Variants in RIPK1 observed in about 807,000 individuals in gnomAD.
RIPK1 encodes receptor-interacting serine/threonine-protein kinase 1.
RIPK1 carries 27 observed loss-of-function variants against 62.4 expected under a neutral mutation model. The ratio of observed to expected loss-of-function variants is 0.43; its 90% CI spans 0.32 to 0.60. The LOEUF (loss-of-function observed/expected upper bound fraction) is 0.60, where lower values mean the gene tolerates loss of function less well. RIPK1 is among the 20% of genes least tolerant of loss of function. The pLI, the probability that RIPK1 is intolerant of heterozygous loss-of-function variation, is 0.07. For missense variants in RIPK1, 735 were observed against 831.0 expected, an observed-to-expected ratio of 0.88 and a Z score of 1.42; for synonymous variants, 287 against 303.2, an observed-to-expected ratio of 0.95 and a Z score of 0.55.
upstream of RIPK1, among the ~76,000 whole-genome samples, chr6:3,064,885 G>A (rs1244447105): frequency 6.6e-6 from 1 of 152,082 alleles, no homozygotes. Flanking sequence ...CCGTTTTAAC[G>A]AGGTGGCTTT....
chr6:3,067,290 T>C (rs959038473), upstream of RIPK1, among the ~76,000 whole-genome samples: 3 of 152,154 alleles, frequency 2.0e-5, no homozygotes, highest in Admixed American at 1.3e-4. Context: ...CTTCATCTTA[T>C]GGTAAGAAGA....
At chr6:3,086,434 TCA>T (rs1352525139) in intron 6 of RIPK1, among the ~76,000 whole-genome samples, 2 of 152,228 alleles carry the variant, frequency 1.3e-5, no homozygotes, top group Non-Finnish European at 2.9e-5. Context: ...TCTTGTATCC[TCA>T]CCAGCATGGG....
chr6:3,107,562 CAAAAAAAAA>C lies in RIPK1; in HGVS notation c.1576+1528_1576+1536del, dbSNP rs60843872. Among the ~76,000 whole-genome samples, 11 of 46,314 alleles carry C rather than the reference CAAAAAAAAA, an allele frequency of 2.4e-4. No individual in the cohort carries two copies. The East Asian group carries it at 4.6e-3, about 19-fold the overall frequency. 30.4% of individuals were successfully genotyped at this position (46,314 alleles called of 152,430 possible). ...CCTGGGTGACAGAGCGAGACTGTCG[CAAAAAAAAA>C]AAAAAAAAAAAAAAAATTCCAAAAC... is the stretch of plus-strand genomic sequence containing the variant. On this transcript the variant is annotated intron_variant, in intron 9 of 10. Transcript: ENST00000259808.
In RIPK1 at chr6:3,113,257, C is replaced by T. The variant is rs116040763; in HGVS notation, c.1934C>T (p.Thr645Met). The T allele has an allele frequency of 1.2e-4, 189 of 1,614,098 alleles. No individual in the cohort carries two copies. Among genetic ancestry groups the T allele is most frequent in the Non-Finnish European group, 1.5e-4 (174 of 1,179,998 alleles). ...WVMREGIKGATVGKLAQALHQ... is the reference protein window; with the variant it reads ...WVMREGIKGAMVGKLAQALHQ... ...ATGAGGGAAGGCATAAAGGGAGCCA[C>T]GGTGGGGAAGCTGGCCCAGGCGCTC... The change falls in exon 11 of 11, where the codon ACG becomes ATG. Residue 645 changes from threonine (T) to methionine (M), a missense_variant. Transcript: ENST00000259808. This position sits in a 1 kb window ranked among gnomAD's most constrained non-coding sequence, Gnocchi z 5.0.
chr6:3,106,315 G>A (rs1331183024), intron 9 of RIPK1, among the ~76,000 whole-genome samples: 2 of 152,150 alleles, frequency 1.3e-5, no homozygotes, highest in Non-Finnish European at 2.9e-5. Flanking sequence ...ACTCTAACCT[G>A]GAGTGCATAG....
chr6:3,069,580 T>G (rs1168858056), intron 1 of RIPK1, among the ~76,000 whole-genome samples: 1 of 152,238 alleles, frequency 6.6e-6, no homozygotes. Context: ...GTTCCAATGA[T>G]TAATTCTTCC....
At chr6:3,074,311 C>T (rs901694385) in intron 1 of RIPK1, among the ~76,000 whole-genome samples, 2 of 152,158 alleles carry the variant, frequency 1.3e-5, no homozygotes, top group Non-Finnish European at 2.9e-5. Flanking sequence ...TTGTATAAGG[C>T]GACTTTCACT....
intron 1 of RIPK1, among the ~76,000 whole-genome samples, chr6:3,070,381 G>A (rs1320444727): frequency 6.6e-6 from 1 of 152,144 alleles, no homozygotes. Context: ...AAAAAAGGTT[G>A]ACTGTATTAA....
chr6:3,088,480 T>A (rs1688257259), intron 6 of RIPK1, among the ~76,000 whole-genome samples: 1 of 152,238 alleles, frequency 6.6e-6, no homozygotes, highest in South Asian at 2.1e-4. Flanking sequence ...ATTCTTGTGT[T>A]CTCCTGACAC....
At chr6:3,112,024 T>C (rs970664987) in intron 10 of RIPK1, among the ~76,000 whole-genome samples, 8 of 152,170 alleles carry the variant, frequency 5.3e-5, no homozygotes, top group African/African-American at 1.9e-4. Flanking sequence ...TTTTTTGTTG[T>C]GGTTGTTGTA....
intron 10 of RIPK1, among the ~76,000 whole-genome samples, chr6:3,111,910 G>A (rs143204451): frequency 6.6e-6 from 1 of 152,346 alleles, no homozygotes; most frequent in Non-Finnish European, 1.5e-5. Flanking sequence ...TAGAGAGAGA[G>A]CCACATCACA....
Position 3,113,622 on chromosome 6 carries a change from G to T in RIPK1, c.*283G>T. On this transcript the variant is annotated 3_prime_UTR_variant, in exon 11 of 11. Coordinates refer to ENST00000259808, the MANE Select transcript of RIPK1 (RefSeq NM_001354930.2). The surrounding 1 kb of genome is among the most constrained non-coding windows in gnomAD (Gnocchi z 5.0). Reference sequence around the variant, plus strand: ...ATCAGGCACTGAGCCACTGCGCCCAGCCAACAATCCGCTCTGAGGAAAGCG... The same window carrying T: ...ATCAGGCACTGAGCCACTGCGCCCATCCAACAATCCGCTCTGAGGAAAGCG... The T allele has an allele frequency of 2.7e-6, 1 of 369,034 alleles. No homozygotes were observed. The allele number at this position is 369,034 out of a possible 1,614,324, so 22.9% of individuals were successfully genotyped here.
chr6:3,107,653 A>G (rs1760930399), intron 9 of RIPK1, among the ~76,000 whole-genome samples: 1 of 152,114 alleles, frequency 6.6e-6, no homozygotes, highest in South Asian at 2.1e-4. Context: ...CTGAACAAAC[A>G]GCCTGAGTCC....
At chr6:3,065,264 C>CAAAAAAAAAAAA (rs57722248), upstream of RIPK1, among the ~76,000 whole-genome samples, 47 of 40,620 alleles carry the variant, frequency 1.2e-3, 2 homozygotes, top group African/African-American at 5.1e-3. Context: ...GACTCCGTCT[C>CAAAAAAAAAAAA]AAAAAAAAAA....
chr6:3,069,971 T>C (rs1345133321), intron 1 of RIPK1, among the ~76,000 whole-genome samples: 1 of 151,930 alleles, frequency 6.6e-6, no homozygotes, highest in African/African-American at 2.4e-5. Context: ...AGATTGCCAC[T>C]TACACTCTAT....
At position 3,106,175 on chromosome 6, in the gene RIPK1, T is replaced by C. The variant is rs11961430; in HGVS notation, c.1576+124T>C. 4,236 of 738,204 alleles carry C rather than the reference T, an allele frequency of 5.7e-3. 144 individuals are homozygous for C. The African/African-American group carries it at 0.067, about 12-fold the overall frequency. 45.7% of individuals were successfully genotyped at this position (738,204 alleles called of 1,614,324 possible). A position where few individuals can be genotyped will look rare whatever the true frequency, so the allele number is the denominator to read the frequency against. On this transcript the variant is annotated intron_variant, in intron 9 of 10. Coordinates refer to ENST00000259808, the MANE Select transcript of RIPK1 (RefSeq NM_001354930.2). ...ACAGAGGGCATCATCAGCTGCCAGA[T>C]GCAAATTGCCCCTGTGGAATGGACC...
At chr6:3,082,391 G>A (rs375839751) in intron 4 of RIPK1, among the ~76,000 whole-genome samples, 78 of 152,318 alleles carry the variant, frequency 5.1e-4, no homozygotes, top group African/African-American at 1.8e-3. Context: ...GATTCCTGGA[G>A]GCAGAAGTGG....
Position 3,072,406 on chromosome 6 carries a change from A to T in RIPK1, c.-61+3745A>T, listed in dbSNP as rs907474837. On this transcript the variant is annotated intron_variant, in intron 1 of 10. Transcript: ENST00000259808. This position sits in a 1 kb window ranked among gnomAD's most constrained non-coding sequence, Gnocchi z 5.6. Reference sequence around the variant, plus strand: ...ATCTATTTACATATATATATATATAAAACACACACAAATGTGAATATAATT... The same window carrying T: ...ATCTATTTACATATATATATATATATAACACACACAAATGTGAATATAATT... Among the ~76,000 whole-genome samples the T allele has an allele frequency of 1.4e-5, 2 of 144,374 alleles. No individual in the cohort carries two copies. Among genetic ancestry groups the T allele is most frequent in the African/African-American group, 2.7e-5 (1 of 36,818 alleles). 94.7% of individuals were successfully genotyped at this position (144,374 alleles called of 152,430 possible).
At chr6:3,079,847 A>G (rs1403021304) in intron 3 of RIPK1, among the ~76,000 whole-genome samples, 1 of 152,258 alleles carries the variant, frequency 6.6e-6, no homozygotes, top group Non-Finnish European at 1.5e-5. Flanking sequence ...TTGGTCTCCC[A>G]TCCAAGTACT....
Sources: allele counts gnomAD v4.1 joint callset (sites outside exome capture counted in the v4.1 genomes callset), GRCh38; gene constraint gnomAD v4.1.1; non-coding constraint Gnocchi (gnomAD v3.1); transcripts MANE v1.5; gene names NCBI Gene and HGNC (gene_info 2026-07-23, HGNC 2026-07-21).